The following PRTFDC1 variants were observed in gnomAD, a reference collection of about 807,000 sequenced individuals.
PRTFDC1 encodes the protein phosphoribosyl transferase domain containing 1.
A neutral mutation model predicts 34.6 loss-of-function variants in PRTFDC1; 38 were observed. The observed-to-expected ratio is 1.10, with a 90% CI of 0.85 to 1.44. PRTFDC1 has a LOEUF of 1.44. PRTFDC1 is among the 40% of genes most tolerant of loss of function. The probability of loss-of-function intolerance (pLI) is 0.00; values close to 1 mark genes in which losing one functional copy is unlikely to be tolerated. For missense variants in PRTFDC1, 270 were observed against 283.0 expected (o/e 0.95, Z 0.33); for synonymous variants, 93 against 98.1 (o/e 0.95, Z 0.31).
intron 2 of PRTFDC1, among the ~76,000 whole-genome samples, chr10:24,937,610 T>G (rs1385051133): frequency 1.3e-5 from 2 of 150,604 alleles, no homozygotes; most frequent in East Asian, 4.0e-4. Flanking sequence ...CAGGCTGCAG[T>G]GCAGTGGCAC....
At chr10:24,923,375 G>C (rs1445295879) in intron 3 of PRTFDC1, among the ~76,000 whole-genome samples, 2 of 152,220 alleles carry the variant, frequency 1.3e-5, no homozygotes, top group African/African-American at 4.8e-5. Flanking sequence ...CATTTAGCCT[G>C]ACTGGGAGAC....
At chr10:24,876,777 G>T (rs1588585143) in intron 3 of PRTFDC1, among the ~76,000 whole-genome samples, 2 of 151,956 alleles carry the variant, frequency 1.3e-5, no homozygotes, top group East Asian at 3.9e-4. Flanking sequence ...TCGAACTCCT[G>T]GCCCCAAGCA....
Position 24,895,899 on chromosome 10 carries a change from T to C in PRTFDC1, c.340-23836A>G, listed in dbSNP as rs541030871. Among the ~76,000 whole-genome samples the C allele has an allele frequency of 5.3e-5, 8 of 151,988 alleles. No homozygotes were observed. In the South Asian group the frequency reaches 1.7e-3, roughly 32 times the overall value. The stretch of plus-strand genomic sequence containing the variant: ...TGTTTTCACATAATTTTCAGACACC[T>C]GGAAGTTATGTCAACGCATATTTAA... On this transcript the variant is annotated intron_variant, in intron 3 of 8. Transcript: ENST00000320152.
At chr10:24,879,512 T>A (rs1848029238) in intron 3 of PRTFDC1, among the ~76,000 whole-genome samples, 1 of 151,976 alleles carries the variant, frequency 6.6e-6, no homozygotes, top group Admixed American at 6.6e-5. Context: ...CCCGGCTGAT[T>A]TTTTTGTATT....
intron 3 of PRTFDC1, among the ~76,000 whole-genome samples, chr10:24,935,468 T>C (rs1286096060): frequency 6.6e-6 from 1 of 152,176 alleles, no homozygotes; most frequent in Non-Finnish European, 1.5e-5. Flanking sequence ...CAGAGTATCT[T>C]AAGAAATCAG....
At chr10:24,872,435 T>C (rs901466910) in intron 3 of PRTFDC1, among the ~76,000 whole-genome samples, 2 of 152,118 alleles carry the variant, frequency 1.3e-5, no homozygotes, top group Admixed American at 6.6e-5. Context: ...ACTGAGTATG[T>C]GTCAGCTTTG....
intron 3 of PRTFDC1, among the ~76,000 whole-genome samples, chr10:24,927,395 C>T (rs1848893955): frequency 1.3e-5 from 2 of 152,086 alleles, no homozygotes; most frequent in African/African-American, 4.8e-5. Context: ...TTTATATGAA[C>T]TGATTCAAAC....
At chr10:24,929,725 C>T (rs1450778746) in intron 3 of PRTFDC1, among the ~76,000 whole-genome samples, 3 of 152,142 alleles carry the variant, frequency 2.0e-5, no homozygotes, top group Non-Finnish European at 4.4e-5. Context: ...ACCAGGGCAA[C>T]ATTTGAGAGA....
At chr10:24,938,534 G>A (rs1849092139) in intron 2 of PRTFDC1, among the ~76,000 whole-genome samples, 1 of 152,234 alleles carries the variant, frequency 6.6e-6, no homozygotes, top group Non-Finnish European at 1.5e-5. Context: ...GCCAGAGGGA[G>A]CTCACCTGAT....
intron 2 of PRTFDC1, among the ~76,000 whole-genome samples, chr10:24,938,553 C>T (rs1849092530): frequency 6.6e-6 from 1 of 152,220 alleles, no homozygotes; most frequent in Admixed American, 6.5e-5. Context: ...ATAGGGAACA[C>T]TGTAAGCTAA....
At chr10:24,857,268 C>T (rs1847595299) in intron 5 of PRTFDC1, among the ~76,000 whole-genome samples, 2 of 152,192 alleles carry the variant, frequency 1.3e-5, no homozygotes, top group African/African-American at 4.8e-5. Context: ...GCATGTAGGA[C>T]TCCTCGTTGA....
intron 1 of PRTFDC1, among the ~76,000 whole-genome samples, chr10:24,945,618 T>G (rs769337629): frequency 6.6e-6 from 1 of 152,118 alleles, no homozygotes; most frequent in Non-Finnish European, 1.5e-5. Context: ...CACGCTCAGC[T>G]TATTTTCTTA....
intron 3 of PRTFDC1, among the ~76,000 whole-genome samples, chr10:24,897,834 G>A (rs1410557576): frequency 6.6e-6 from 1 of 152,182 alleles, no homozygotes; most frequent in Non-Finnish European, 1.5e-5. Context: ...TTGATCATAA[G>A]GTCTCAAAAG....
intron 1 of PRTFDC1, among the ~76,000 whole-genome samples, chr10:24,944,721 T>C (rs560831316): frequency 2.6e-5 from 4 of 152,282 alleles, no homozygotes; most frequent in African/African-American, 7.2e-5. Flanking sequence ...AGTTCGAGGC[T>C]GCAGTGAGCT....
At chr10:24,853,852 A>G (rs1040484708) in intron 7 of PRTFDC1, among the ~76,000 whole-genome samples, 2 of 152,182 alleles carry the variant, frequency 1.3e-5, no homozygotes, top group Non-Finnish European at 2.9e-5. Flanking sequence ...CAGCTCCTAC[A>G]CTTACATTTG....
At chr10:24,865,345 A>G (rs1023969383) in intron 4 of PRTFDC1, among the ~76,000 whole-genome samples, 1 of 152,172 alleles carries the variant, frequency 6.6e-6, no homozygotes, top group African/African-American at 2.4e-5. Context: ...TGCACTAAGC[A>G]ATTTCCTAAA....
chr10:24,864,074 C>T (rs1847733062), intron 4 of PRTFDC1, among the ~76,000 whole-genome samples: 1 of 149,324 alleles, frequency 6.7e-6, no homozygotes, highest in South Asian at 2.1e-4. Context: ...GTGGCAATAG[C>T]AAGAGAAACT....
intron 4 of PRTFDC1, among the ~76,000 whole-genome samples, chr10:24,866,789 A>G (rs1847785896): frequency 1.1e-5 from 1 of 86,968 alleles, no homozygotes; most frequent in South Asian, 3.7e-4. Flanking sequence ...AAGAAAAGAA[A>G]GAAAGAGAGA....
chr10:24,886,360 G>T (rs1417016508), intron 3 of PRTFDC1, among the ~76,000 whole-genome samples: 1 of 152,196 alleles, frequency 6.6e-6, no homozygotes. Context: ...AAGTAACCTG[G>T]TTAAGTAACT....
Sources: gnomAD v4.1 joint callset for allele counts (sites outside exome capture counted in the v4.1 genomes callset) on GRCh38, gnomAD v4.1.1 for gene constraint, MANE v1.5 for transcripts, NCBI Gene and HGNC (gene_info 2026-07-23, HGNC 2026-07-21) for gene names.